OPRM1: variants seen among roughly 807,000 people sequenced by gnomAD.
OPRM1 encodes opioid receptor mu 1.
A neutral mutation model predicts 31.8 loss-of-function variants in OPRM1; 27 were observed. The observed-to-expected ratio is 0.85, with a 90% CI of 0.63 to 1.17. OPRM1 has a LOEUF of 1.17. Ranked by LOEUF, OPRM1 falls within the 50% of genes most tolerant of loss-of-function variation. OPRM1 has a pLI of 0.00. For missense variants in OPRM1, 536 were observed against 511.1 expected (o/e 1.05, Z -0.47); for synonymous variants, 196 against 189.9 (o/e 1.03, Z -0.26).
intron 3 of OPRM1, chr6:154,108,666 C>A: frequency 2.7e-6 from 1 of 369,750 alleles, no homozygotes; most frequent in Non-Finnish European, 3.7e-6. Flanking sequence ...AGCATCAAAG[C>A]TGTTCTTAGC....
chr6:154,193,121 TG>T (rs1802081455), intron 3 of OPRM1, among the ~76,000 whole-genome samples: 1 of 152,196 alleles, frequency 6.6e-6, no homozygotes, highest in South Asian at 2.1e-4. Flanking sequence ...CCAGCCCAGA[TG>T]CCCATCAGTC....
At chr6:154,052,175 C>G (rs894522279) in intron 1 of OPRM1, among the ~76,000 whole-genome samples, 6 of 150,708 alleles carry the variant, frequency 4.0e-5, no homozygotes, top group African/African-American at 1.5e-4. Context: ...TGGGCCCTGT[C>G]GGGGGTTGGG....
intron 3 of OPRM1, among the ~76,000 whole-genome samples, chr6:154,209,477 C>A (rs995376290): frequency 6.6e-6 from 1 of 151,846 alleles, no homozygotes; most frequent in Non-Finnish European, 1.5e-5. Flanking sequence ...ATGGCAAAAC[C>A]CTATCTCCAC....
chr6:154,220,813 G>A (rs139045595), intron 3 of OPRM1, among the ~76,000 whole-genome samples: 72 of 152,298 alleles, frequency 4.7e-4, no homozygotes, highest in African/African-American at 1.6e-3. Context: ...GAGCAAAGGC[G>A]TTTTGCAATA....
At chr6:154,149,045 T>C (rs1798427991) in intron 3 of OPRM1, among the ~76,000 whole-genome samples, 1 of 152,194 alleles carries the variant, frequency 6.6e-6, no homozygotes, top group Admixed American at 6.5e-5. Flanking sequence ...ATAGGTTCCT[T>C]TGGGAAGGAC....
intron 3 of OPRM1, among the ~76,000 whole-genome samples, chr6:154,214,680 T>C (rs1384999950): frequency 6.6e-6 from 1 of 152,196 alleles, no homozygotes; most frequent in Non-Finnish European, 1.5e-5. Context: ...TGTCAGTTTA[T>C]TTTAGAAAAA....
chr6:154,026,720 A>G (rs1778717269), intron 1 of OPRM1, among the ~76,000 whole-genome samples: 1 of 152,102 alleles, frequency 6.6e-6, no homozygotes, highest in South Asian at 2.1e-4. Context: ...TGCTTCATCA[A>G]TTCTGTTATT....
At chr6:154,197,955 TG>T (rs1023193653) in intron 3 of OPRM1, among the ~76,000 whole-genome samples, 18 of 152,344 alleles carry the variant, frequency 1.2e-4, no homozygotes, top group African/African-American at 4.1e-4. Context: ...GTCCTATATC[TG>T]GAAGTCTCTT....
downstream of OPRM1, among the ~76,000 whole-genome samples, chr6:154,135,419 G>A (rs556594371): frequency 2.5e-3 from 377 of 152,062 alleles, 2 homozygotes; most frequent in African/African-American, 8.6e-3. Flanking sequence ...GCAGTGAACC[G>A]AGATCATGCC....
At chr6:154,147,749 T>C (rs1313826887) in intron 3 of OPRM1, among the ~76,000 whole-genome samples, 3 of 152,220 alleles carry the variant, frequency 2.0e-5, no homozygotes, top group African/African-American at 7.2e-5. Context: ...GGCATAGGTT[T>C]ACTGGAATTC....
Position 154,090,958 on chromosome 6 carries a change from T to C in OPRM1, c.650T>C (p.Ile217Thr). The C allele has an allele frequency of 1.2e-6, 2 of 1,612,562 alleles. No homozygotes were observed. The highest frequency in any genetic ancestry group is 1.7e-6 in the Non-Finnish European group (2 of 1,179,136). Reference sequence around the variant, plus strand: ...TTAAATTCCTTTCTTCTAGGTTCCATAGATTGTACACTAACATTCTCTCAT... The same window carrying C: ...TTAAATTCCTTTCTTCTAGGTTCCACAGATTGTACACTAACATTCTCTCAT... Reference protein sequence around the residue: ...MATTKYRQGSIDCTLTFSHPT... With the variant: ...MATTKYRQGSTDCTLTFSHPT... Residue 217 changes from isoleucine to threonine, a missense_variant, in exon 3 of 4, where the codon ATA becomes ACA. Coordinates refer to ENST00000330432, the MANE Select transcript of OPRM1 (RefSeq NM_000914.5).
chr6:154,212,090 T>A (rs556065485), intron 3 of OPRM1, among the ~76,000 whole-genome samples: 1 of 152,336 alleles, frequency 6.6e-6, no homozygotes, highest in Non-Finnish European at 1.5e-5. Context: ...TACATCCTAG[T>A]ACATGGTAGG....
At chr6:154,222,896 G>A (rs1461637269) in intron 3 of OPRM1, 2 of 451,946 alleles carry the variant, frequency 4.4e-6, no homozygotes, top group Admixed American at 3.4e-5. Flanking sequence ...AGTCCTGGAG[G>A]GGGTTTATTC....
At position 154,118,947 on chromosome 6, in the gene OPRM1, A is replaced by C; in HGVS notation, c.*226A>C. ...AGGAATATACCACACCGAGGAGTCC[A>C]GTTTGTGCAAGACACCCAGTGGAAC... On this transcript the variant is annotated 3_prime_UTR_variant, in exon 4 of 4. Transcript: ENST00000330432. The C allele has an allele frequency of 7.8e-7, 1 of 1,280,468 alleles. No homozygotes were observed. The highest frequency in any genetic ancestry group is 9.9e-7 in the Non-Finnish European group (1 of 1,013,796). The allele number at this position is 1,280,468 out of a possible 1,614,324, so 79.3% of individuals were successfully genotyped here. A position where few individuals can be genotyped will look rare whatever the true frequency, so the allele number is the denominator to read the frequency against.
intron 3 of OPRM1, among the ~76,000 whole-genome samples, chr6:154,101,317 G>A (rs1413124520): frequency 3.3e-5 from 5 of 151,952 alleles, no homozygotes; most frequent in Non-Finnish European, 7.4e-5. Flanking sequence ...AATTCCTGAA[G>A]TATCATTAAA....
In OPRM1 at chr6:154,208,332, T is replaced by A. The variant is rs139039726; in HGVS notation, c.1165-38361T>A. 5.6e-3 allele frequency among the ~76,000 whole-genome samples: 848 copies of A among 152,202 alleles called. 7 individuals are homozygous for A. Among genetic ancestry groups the A allele is most frequent in the South Asian group, 9.6e-3 (46 of 4,816 alleles). On this transcript the variant is annotated intron_variant, in intron 3 of 3. Coordinates refer to the OPRM1 transcript ENST00000337049. ...GCTTGGAAAACTTTTCCCCCAAATATCCACTTGGCTGACTCTCACACCACC... is the reference window on the plus strand; with the variant it reads ...GCTTGGAAAACTTTTCCCCCAAATAACCACTTGGCTGACTCTCACACCACC...
intron 3 of OPRM1, among the ~76,000 whole-genome samples, chr6:154,177,222 G>A (rs1800408731): frequency 6.6e-6 from 1 of 152,110 alleles, no homozygotes; most frequent in African/African-American, 2.4e-5. Context: ...CAGGACATAG[G>A]CATGGGCAAA....
chr6:154,116,996 G>T (rs148566388), intron 3 of OPRM1, among the ~76,000 whole-genome samples: 1 of 152,126 alleles, frequency 6.6e-6, no homozygotes, highest in South Asian at 2.1e-4. Flanking sequence ...AACCCAGAAT[G>T]TTCTCTCCAT....
At chr6:154,207,878 CTGTT>C (rs1392557356) in intron 3 of OPRM1, among the ~76,000 whole-genome samples, 1 of 152,168 alleles carries the variant, frequency 6.6e-6, no homozygotes, top group Non-Finnish European at 1.5e-5. Context: ...TTTATCTCCT[CTGTT>C]TGTCTCATAT....
Sources: allele counts gnomAD v4.1 joint callset (sites outside exome capture counted in the v4.1 genomes callset), GRCh38; gene constraint gnomAD v4.1.1; transcripts MANE v1.5; gene names NCBI Gene and HGNC (gene_info 2026-07-23, HGNC 2026-07-21).